CASZ1: variants seen among roughly 807,000 people sequenced by gnomAD.
CASZ1 encodes zinc finger protein castor homolog 1.
In CASZ1, 28 loss-of-function variants were observed where a neutral mutation model predicts 135.2. That is an observed-to-expected ratio of 0.21 (90% CI 0.15 to 0.28). CASZ1 has a LOEUF of 0.28. Ranked by LOEUF, CASZ1 falls within the 10% of genes least tolerant of loss-of-function variation. CASZ1 has a pLI of 1.00. For missense variants in CASZ1, 2,161 were observed against 2,453.3 expected, an observed-to-expected ratio of 0.88 and a Z score of 2.52; for synonymous variants, 1,068 against 1,073.4, an observed-to-expected ratio of 0.99 and a Z score of 0.10.
intron 8 of CASZ1, among the ~76,000 whole-genome samples, chr1:10,656,016 C>CT (rs1484442718): frequency 6.6e-6 from 1 of 152,208 alleles, no homozygotes; most frequent in African/African-American, 2.4e-5. Flanking sequence ...GTTCTAGGAC[C>CT]ATAGATTCTT....
chr1:10,656,794 C>A (rs1173505009), intron 7 of CASZ1, 58 bp from the exon 8 acceptor site: 5 of 1,081,612 alleles, frequency 4.6e-6, no homozygotes, highest in Non-Finnish European at 1.4e-6. Flanking sequence ...CCAGCCCCAG[C>A]CCCAGCCCCA....
chr1:10,790,771 C>T (rs941712104), intron 1 of CASZ1, among the ~76,000 whole-genome samples: 3 of 152,004 alleles, frequency 2.0e-5, no homozygotes, highest in African/African-American at 7.2e-5. Flanking sequence ...CACACAAAAA[C>T]CTTGGCTATG....
At chr1:10,663,288 G>C (rs982022912) in intron 5 of CASZ1, among the ~76,000 whole-genome samples, 2 of 152,206 alleles carry the variant, frequency 1.3e-5, no homozygotes, top group Non-Finnish European at 2.9e-5. Flanking sequence ...CACCTGGCGG[G>C]ATGTGGAAGG....
intron 4 of CASZ1, among the ~76,000 whole-genome samples, chr1:10,680,378 C>T (rs1638376128): frequency 6.6e-6 from 1 of 152,076 alleles, no homozygotes; most frequent in Non-Finnish European, 1.5e-5. Flanking sequence ...CACCAGGGAC[C>T]CACAGGTCTG....
At chr1:10,722,275 C>T (rs1449360065) in intron 2 of CASZ1, among the ~76,000 whole-genome samples, 2 of 152,312 alleles carry the variant, frequency 1.3e-5, no homozygotes, top group East Asian at 1.9e-4. Flanking sequence ...CATTCTCAAA[C>T]GCCAAGGGGG....
rs1642319455 is a variant in CASZ1, at chr1:10,644,935, C to T, written c.3850G>A (p.Glu1284Lys). 6 of 1,613,554 alleles carry T rather than the reference C, an allele frequency of 3.7e-6. No homozygotes were observed. The highest frequency in any genetic ancestry group is 4.2e-6 in the Non-Finnish European group (5 of 1,179,804). ...ANGFKYFTKR[E>K]ECGRLGCKYN... Reference sequence around the variant, plus strand: ...TCGGTACCTAGCCTGCCACACTCCTCGCGCTTGGTGAAGTATTTGAAGCCA... The same window carrying T: ...TCGGTACCTAGCCTGCCACACTCCTTGCGCTTGGTGAAGTATTTGAAGCCA... Residue 1284 changes from glutamate (E) to lysine (K), a missense_variant, in exon 18 of 21, where the codon GAG becomes AAG. Transcript: ENST00000377022.
At position 10,651,096 on chromosome 1, in the gene CASZ1, A is replaced by T; in HGVS notation, c.2681-20T>A. On this transcript the variant is annotated intron_variant, in intron 11 of 20. Coordinates refer to ENST00000377022, the MANE Select transcript of CASZ1 (RefSeq NM_001079843.3). ...CGCTTCCTGCAGGGGAGGGGTGGGA[A>T]GATGCGTCAGAGGGGCTGAAGGCCT... 1 of 1,482,622 alleles carries T rather than the reference A, an allele frequency of 6.7e-7. No individual in the cohort carries two copies. Among genetic ancestry groups the T allele is most frequent in the South Asian group, 1.4e-5 (1 of 69,480 alleles). 91.8% of individuals were successfully genotyped at this position (1,482,622 alleles called of 1,614,324 possible).
chr1:10,785,521 C>A (rs1035462348), intron 1 of CASZ1, among the ~76,000 whole-genome samples: 4 of 152,174 alleles, frequency 2.6e-5, no homozygotes, highest in African/African-American at 9.7e-5. Flanking sequence ...CCCTCCAGTG[C>A]CCCCCGCTTC....
chr1:10,778,965 T>C (rs1026320542), intron 1 of CASZ1, among the ~76,000 whole-genome samples: 13 of 152,090 alleles, frequency 8.5e-5, no homozygotes, highest in African/African-American at 2.9e-4. Context: ...GTATCACCAA[T>C]AGCTCTCCTG....
In CASZ1 at chr1:10,694,086, G is replaced by A. The variant is rs978914898; in HGVS notation, c.-23-174C>T. Reference sequence around the variant, plus strand: ...CTCCTCCGCGCCGCCCGCTTCTCACGCTCGGCCCCGCACGCGCCCGCGGGT... The same window carrying A: ...CTCCTCCGCGCCGCCCGCTTCTCACACTCGGCCCCGCACGCGCCCGCGGGT... On this transcript the variant is annotated intron_variant, in intron 3 of 20. Coordinates refer to ENST00000377022, the MANE Select transcript of CASZ1 (RefSeq NM_001079843.3). This position sits in a 1 kb window ranked among gnomAD's most constrained non-coding sequence, Gnocchi z 6.6. Among the ~76,000 whole-genome samples the A allele has an allele frequency of 2.0e-5, 3 of 151,508 alleles. No individual in the cohort carries two copies. Among genetic ancestry groups the A allele is most frequent in the Non-Finnish European group, 2.9e-5 (2 of 67,854 alleles).
intron 2 of CASZ1, among the ~76,000 whole-genome samples, chr1:10,708,980 GC>G (rs1639230527): frequency 8.4e-6 from 1 of 119,760 alleles, no homozygotes; most frequent in African/African-American, 3.2e-5. Context: ...GAGGGGGGGG[GC>G]CATGGGTGAG....
rs199768157 is a variant in CASZ1, at chr1:10,655,611, T to C, written c.1665+38A>G. The C allele has an allele frequency of 1.8e-4, 285 of 1,583,264 alleles. No individual in the cohort carries two copies. In the East Asian group the frequency reaches 6.1e-3, roughly 34 times the overall value. ...TCAGAGCCGGGAGGGCCTGGGCCAG[T>C]CCTGCAGCTGCCCAGTGGGCCCGGG... On this transcript the variant is annotated intron_variant, in intron 9 of 20. Coordinates refer to ENST00000377022, the MANE Select transcript of CASZ1 (RefSeq NM_001079843.3).
rs1225451951 is a variant in CASZ1, at chr1:10,719,079, A to T, written c.-76-13535T>A. 1.3e-5 allele frequency among the ~76,000 whole-genome samples: 2 copies of T among 149,556 alleles called. No homozygotes were observed. The highest frequency in any genetic ancestry group is 3.9e-4 in the East Asian group (2 of 5,136). On this transcript the variant is annotated intron_variant, in intron 2 of 20. Coordinates refer to ENST00000377022, the MANE Select transcript of CASZ1 (RefSeq NM_001079843.3). This position sits in a 1 kb window ranked among gnomAD's most constrained non-coding sequence, Gnocchi z 4.0. ...AGGCACTCGCCACCACACCTGGCTA[A>T]TTTTTTTTTTACTTTTAGTGGAGGT...
At position 10,639,803 on chromosome 1, in the gene CASZ1, G is replaced by A. The variant is rs1225224424; in HGVS notation, c.4419C>T (p.His1473=). 6.2e-7 allele frequency: 1 copy of A among 1,608,440 alleles called. No homozygotes were observed. The highest frequency in any genetic ancestry group is 1.3e-5 in the African/African-American group (1 of 75,010). The part of the protein sequence containing the change: ...NCGYKFCGRT[H]MYKHAQHHDR... Reference sequence around the variant, plus strand: ...CGTGGTGCTGCGCGTGCTTGTACATGTGCGTGCGCCCGCAGAACTTGTAGC... The same window carrying A: ...CGTGGTGCTGCGCGTGCTTGTACATATGCGTGCGCCCGCAGAACTTGTAGC... The change falls in exon 21 of 21, where the codon CAC becomes CAT. Residue 1473 remains histidine, a synonymous_variant. Transcript: ENST00000377022. This position sits in a 1 kb window ranked among gnomAD's most constrained non-coding sequence, Gnocchi z 4.0.
At chr1:10,740,146 G>A (rs969038767) in intron 2 of CASZ1, among the ~76,000 whole-genome samples, 5 of 152,206 alleles carry the variant, frequency 3.3e-5, no homozygotes, top group Admixed American at 6.5e-5. Flanking sequence ...ACGAGTTACC[G>A]ATTCTATGTC....
chr1:10,751,840 A>T (rs2100556832), intron 2 of CASZ1, among the ~76,000 whole-genome samples: 1 of 151,220 alleles, frequency 6.6e-6, no homozygotes, highest in South Asian at 2.1e-4. Context: ...TAGAGAACAG[A>T]GCCAGAGCAA....
At chr1:10,675,495 AGGCCAGTG>A in intron 4 of CASZ1, among the ~76,000 whole-genome samples, 1 of 152,182 alleles carries the variant, frequency 6.6e-6, no homozygotes, top group African/African-American at 2.4e-5. Flanking sequence ...AAGAGGGGTG[AGGCCAGTG>A]CCCAGCTCAG....
In CASZ1 at chr1:10,794,176, C is replaced by CGTGT. The variant is rs4002551; in HGVS notation, c.-234+2384_-234+2387dup. On this transcript the variant is annotated intron_variant, in intron 1 of 20. Coordinates refer to ENST00000377022, the MANE Select transcript of CASZ1 (RefSeq NM_001079843.3). The surrounding 1 kb of genome is among the most constrained non-coding windows in gnomAD (Gnocchi z 5.6). ...GTGTGTGCGTGTTTGTATGTGTATG[C>CGTGT]GTGTGTGTGTGTGTGTGTGTGTGCG... Among the ~76,000 whole-genome samples, 70 of 148,492 alleles carry CGTGT rather than the reference C, an allele frequency of 4.7e-4. No homozygotes were observed. Among genetic ancestry groups the CGTGT allele is most frequent in the Non-Finnish European group, 6.9e-4 (46 of 66,668 alleles).
Position 10,767,784 on chromosome 1 carries a change from A to G in CASZ1, c.-233-6927T>C, listed in dbSNP as rs527488050. On this transcript the variant is annotated intron_variant, in intron 1 of 20. Coordinates refer to ENST00000377022, the MANE Select transcript of CASZ1 (RefSeq NM_001079843.3). This position sits in a 1 kb window ranked among gnomAD's most constrained non-coding sequence, Gnocchi z 4.2. ...GGGCCACATCAGCAGGTCCGGTTGC[A>G]GCTCCCTGTCTGTCTTGCCCACTGC... is the stretch of plus-strand genomic sequence containing the variant. 6.6e-6 allele frequency among the ~76,000 whole-genome samples: 1 copy of G among 152,224 alleles called. No homozygotes were observed. The highest frequency in any genetic ancestry group is 2.1e-4 in the South Asian group (1 of 4,834).
Sources: gnomAD v4.1 joint callset for allele counts (sites outside exome capture counted in the v4.1 genomes callset) on GRCh38, gnomAD v4.1.1 for gene constraint, Gnocchi (gnomAD v3.1) non-coding constraint, MANE v1.5 for transcripts, NCBI Gene and HGNC (gene_info 2026-07-23, HGNC 2026-07-21) for gene names.